The following TNIK variants were observed in gnomAD, a reference collection of about 807,000 sequenced individuals.
The protein encoded by TNIK is TRAF2 and NCK interacting kinase.
TNIK carries 49 observed loss-of-function variants against 191.3 expected under a neutral mutation model. The observed-to-expected ratio is 0.26, with a 90% CI of 0.20 to 0.32. The LOEUF is 0.32. Among genes scored for constraint, TNIK ranks in the 10% least tolerant of loss-of-function variants. The probability of loss-of-function intolerance (pLI) is 1.00; values close to 1 mark genes in which losing one functional copy is unlikely to be tolerated. For missense variants in TNIK, 1,155 were observed against 1,702.3 expected (o/e 0.68, Z 5.66); for synonymous variants, 594 against 600.9 (o/e 0.99, Z 0.17).
rs1389340867 is a variant in TNIK, at chr3:171,074,657, T to C, written c.3449-3334A>G. On this transcript the variant is annotated intron_variant, in intron 28 of 32. Coordinates refer to ENST00000436636, the MANE Select transcript of TNIK (RefSeq NM_015028.4). ...CTAAGCACATATAGGCTCAGATAAATCAAGAAATATTTTAAATGACTCTTG... is the reference window on the plus strand; with the variant it reads ...CTAAGCACATATAGGCTCAGATAAACCAAGAAATATTTTAAATGACTCTTG... Among the ~76,000 whole-genome samples the C allele has an allele frequency of 2.0e-5, 3 of 152,208 alleles. No individual in the cohort carries two copies. The East Asian group carries it at 5.8e-4, about 29-fold the overall frequency.
chr3:171,298,843 C>T (rs1752594203), intron 2 of TNIK, among the ~76,000 whole-genome samples: 1 of 152,202 alleles, frequency 6.6e-6, no homozygotes, highest in Non-Finnish European at 1.5e-5. Flanking sequence ...TAATTTTTCA[C>T]CTAACCAGCT....
chr3:171,122,063 G>C (rs949700584), intron 18 of TNIK, among the ~76,000 whole-genome samples: 2 of 152,208 alleles, frequency 1.3e-5, no homozygotes, highest in African/African-American at 4.8e-5. Context: ...GTAAACCACT[G>C]ACCATCAAAT....
intron 2 of TNIK, among the ~76,000 whole-genome samples, chr3:171,320,933 A>C (rs1315797694): frequency 6.6e-6 from 1 of 152,186 alleles, no homozygotes; most frequent in Non-Finnish European, 1.5e-5. Flanking sequence ...ATAGAGGAAC[A>C]ATGTTACCCT....
intron 32 of TNIK, among the ~76,000 whole-genome samples, chr3:171,065,290 A>G (rs1718288560): frequency 6.6e-6 from 1 of 152,224 alleles, no homozygotes; most frequent in Non-Finnish European, 1.5e-5. Flanking sequence ...GTCCACCCAG[A>G]CCACATCAGG....
At chr3:171,453,494 C>T (rs992065395) in intron 1 of TNIK, among the ~76,000 whole-genome samples, 3 of 152,060 alleles carry the variant, frequency 2.0e-5, no homozygotes, top group Non-Finnish European at 4.4e-5. Context: ...CTGCAGAGCT[C>T]GGTGGGAGGC....
chr3:171,253,558 A>C (rs1746497084), intron 2 of TNIK, among the ~76,000 whole-genome samples: 1 of 148,932 alleles, frequency 6.7e-6, no homozygotes. Context: ...GATCTGCCTG[A>C]AAAAAAAAAG....
chr3:171,386,365 G>A (rs1257752007), intron 1 of TNIK, among the ~76,000 whole-genome samples: 1 of 152,118 alleles, frequency 6.6e-6, no homozygotes. Context: ...AAAAACTTTG[G>A]TGTTCGTGGT....
At chr3:171,390,511 T>C (rs1275876462) in intron 1 of TNIK, among the ~76,000 whole-genome samples, 1 of 152,216 alleles carries the variant, frequency 6.6e-6, no homozygotes, top group African/African-American at 2.4e-5. Context: ...CAAATGCCTA[T>C]GAAAAGCCCC....
At chr3:171,439,240 A>G (rs1726437728) in intron 1 of TNIK, among the ~76,000 whole-genome samples, 1 of 151,704 alleles carries the variant, frequency 6.6e-6, no homozygotes, top group South Asian at 2.1e-4. Context: ...GCTACTTGGG[A>G]GGCTGAGGCA....
intron 7 of TNIK, among the ~76,000 whole-genome samples, chr3:171,180,975 A>G (rs1407513232): frequency 1.3e-5 from 2 of 152,160 alleles, no homozygotes; most frequent in East Asian, 3.9e-4. Context: ...CAATTTCCCA[A>G]TGGCAACATG....
chr3:171,300,209 A>G (rs1305409982), intron 2 of TNIK, among the ~76,000 whole-genome samples: 1 of 152,238 alleles, frequency 6.6e-6, no homozygotes, highest in Non-Finnish European at 1.5e-5. Context: ...GAGCACATTT[A>G]TAAGTAACTT....
chr3:171,397,494 A>G (rs1348162563), intron 1 of TNIK, among the ~76,000 whole-genome samples: 1 of 152,226 alleles, frequency 6.6e-6, no homozygotes, highest in Non-Finnish European at 1.5e-5. Context: ...TCAGTATCCT[A>G]TCGTGACTGG....
intron 26 of TNIK, among the ~76,000 whole-genome samples, chr3:171,083,733 A>G (rs1462519757): frequency 6.6e-6 from 1 of 152,092 alleles, no homozygotes; most frequent in Non-Finnish European, 1.5e-5. Flanking sequence ...GGTTTATGCC[A>G]TTATTTATGC....
intron 17 of TNIK, among the ~76,000 whole-genome samples, chr3:171,124,737 A>T (rs1728234018): frequency 6.6e-6 from 1 of 152,198 alleles, no homozygotes; most frequent in South Asian, 2.1e-4. Context: ...AAATGTACAT[A>T]GTTGTAGAGA....
chr3:171,247,568 A>G (rs1028687963), intron 2 of TNIK, among the ~76,000 whole-genome samples: 1 of 152,188 alleles, frequency 6.6e-6, no homozygotes, highest in African/African-American at 2.4e-5. Context: ...AGATGTGTCC[A>G]TTAGTCCAGT....
chr3:171,304,153 T>G (rs1205575063), intron 2 of TNIK, among the ~76,000 whole-genome samples: 1 of 151,806 alleles, frequency 6.6e-6, no homozygotes, highest in Non-Finnish European at 1.5e-5. Context: ...GTGGCCACAG[T>G]CAGATGAGAG....
At chr3:171,160,261 C>T (rs531604740) in intron 11 of TNIK, among the ~76,000 whole-genome samples, 9 of 152,314 alleles carry the variant, frequency 5.9e-5, no homozygotes, top group Non-Finnish European at 1.3e-4. Context: ...TCTGAAAGCT[C>T]AGTTCCATCT....
At chr3:171,192,532 T>C (rs1478408671) in intron 5 of TNIK, among the ~76,000 whole-genome samples, 3 of 152,160 alleles carry the variant, frequency 2.0e-5, no homozygotes, top group African/African-American at 7.2e-5. Context: ...ACATTGAGAA[T>C]GTGTGAAAGG....
intron 15 of TNIK, among the ~76,000 whole-genome samples, chr3:171,130,067 A>G (rs953535255): frequency 2.0e-5 from 3 of 152,130 alleles, no homozygotes; most frequent in Non-Finnish European, 2.9e-5. Context: ...TTAAGAACCC[A>G]CGTGCAGATG....
Sources: allele counts gnomAD v4.1 joint callset (sites outside exome capture counted in the v4.1 genomes callset), GRCh38; gene constraint gnomAD v4.1.1; transcripts MANE v1.5; gene names NCBI Gene and HGNC (gene_info 2026-07-23, HGNC 2026-07-21).